Variants in NCAM1 observed in about 807,000 individuals in gnomAD.
NCAM1 encodes antigen recognized by monoclonal antibody 5.1H11.
A neutral mutation model predicts 109.8 loss-of-function variants in NCAM1; 14 were observed. The ratio of observed to expected loss-of-function variants is 0.13; its 90% CI spans 0.08 to 0.20. NCAM1 has a LOEUF of 0.20. NCAM1 is among the 10% of genes least tolerant of loss of function. The pLI is 1.00. For missense variants in NCAM1, 774 were observed against 1,109.9 expected, an observed-to-expected ratio of 0.70 and a Z score of 4.30; for synonymous variants, 418 against 442.9, an observed-to-expected ratio of 0.94 and a Z score of 0.70.
In NCAM1 at chr11:113,240,616, T is replaced by C. The variant is rs1366603505; in HGVS notation, c.1825+5452T>C. ...GGTTTGACGTTAGAGAGAGCCCTGCTCCTCGCTAGTGCCCTGGCCAGCTGT... is the reference window on the plus strand; with the variant it reads ...GGTTTGACGTTAGAGAGAGCCCTGCCCCTCGCTAGTGCCCTGGCCAGCTGT... On this transcript the variant is annotated intron_variant, in intron 14 of 19. Coordinates refer to ENST00000316851, the MANE Select transcript of NCAM1 (RefSeq NM_181351.5). The C allele has an allele frequency of 9.0e-6, 6 of 663,442 alleles. No homozygotes were observed. The African/African-American group carries it at 1.1e-4, about 12-fold the overall frequency. The allele number at this position is 663,442 out of a possible 1,614,324, so 41.1% of individuals were successfully genotyped here.
intron 1 of NCAM1, among the ~76,000 whole-genome samples, chr11:113,115,303 T>C (rs1305296834): frequency 6.6e-6 from 1 of 152,178 alleles, no homozygotes. Flanking sequence ...ATAATATTAC[T>C]AATGGAAAGA....
rs370947557 is a variant in NCAM1, at chr11:113,214,493, C to T, written c.1041C>T (p.Asn347=). The T allele has an allele frequency of 5.6e-6, 9 of 1,609,726 alleles. No individual in the cohort carries two copies. The African/African-American group carries it at 1.1e-4, about 19-fold the overall frequency. The change falls in exon 8 of 20, where the codon AAC becomes AAT. Residue 347 remains asparagine, a synonymous_variant. Transcript: ENST00000316851. ...PSITWRTSTR[N]ISSEEKASWT... is the part of the protein sequence containing the mutation. ...TCACCTGGAGGACTTCTACCCGGAA[C>T]ATCAGCAGCGAAGAAAAGGTATCAT...
At chr11:113,155,379 G>A (rs1480112209) in intron 1 of NCAM1, among the ~76,000 whole-genome samples, 1 of 151,706 alleles carries the variant, frequency 6.6e-6, no homozygotes, top group Non-Finnish European at 1.5e-5. Flanking sequence ...TGTGGTGGTG[G>A]GTACCTGTAA....
chr11:113,081,455 C>T (rs1938813246), intron 1 of NCAM1, among the ~76,000 whole-genome samples: 1 of 152,210 alleles, frequency 6.6e-6, no homozygotes, highest in Admixed American at 6.5e-5. Context: ...AGGCACTCGC[C>T]AAAGGATGCT....
chr11:113,112,305 GAGTCTA>G lies in NCAM1; in HGVS notation c.53-90072_53-90067del, dbSNP rs200740933. 7.5e-3 allele frequency among the ~76,000 whole-genome samples: 1,149 copies of G among 152,236 alleles called. 5 individuals carry two copies. The highest frequency in any genetic ancestry group is 0.012 in the Admixed American group (179 of 15,280). On this transcript the variant is annotated intron_variant, in intron 1 of 19. Coordinates refer to ENST00000316851, the MANE Select transcript of NCAM1 (RefSeq NM_181351.5). ...TTACCATTCGAAACTTACTCTTTGG[GAGTCTA>G]ATGAATGTTATTTCCTTTAAAAGGC...
chr11:113,237,911 TATAGATATATAG>T (rs1237393803), intron 14 of NCAM1, among the ~76,000 whole-genome samples: 6,549 of 62,366 alleles, frequency 0.11, 293 homozygotes, highest in Middle Eastern at 0.18. Flanking sequence ...TATAGATATA[TATAGATATATAG>T]ATATAGATAT....
Position 113,086,809 on chromosome 11 carries a change from TA to T in NCAM1, c.53-115561del, listed in dbSNP as rs1229081276. Among the ~76,000 whole-genome samples the T allele has an allele frequency of 7.3e-5, 11 of 151,184 alleles. No homozygotes were observed. The East Asian group carries it at 9.7e-4, about 13-fold the overall frequency. ...CTGGCAGAGTCTTTATTTGGCAACTTAAAAAAAAATAATACTTGCAGTGTTA... is the reference window on the plus strand; with the variant it reads ...CTGGCAGAGTCTTTATTTGGCAACTTAAAAAAAATAATACTTGCAGTGTTA... On this transcript the variant is annotated intron_variant, in intron 1 of 19. Coordinates refer to ENST00000316851, the MANE Select transcript of NCAM1 (RefSeq NM_181351.5).
At chr11:113,244,937 C>A (rs57908147) in intron 14 of NCAM1, among the ~76,000 whole-genome samples, 5,366 of 152,264 alleles carry the variant, frequency 0.035, 128 homozygotes, top group South Asian at 0.073. Context: ...GTGTCTTCAT[C>A]TCCCTTCTTT....
intron 1 of NCAM1, among the ~76,000 whole-genome samples, chr11:113,132,581 G>C (rs1223158998): frequency 3.4e-5 from 5 of 148,594 alleles, no homozygotes; most frequent in African/African-American, 5.0e-5. Flanking sequence ...GATGAGTTTG[G>C]GATCAGGCAT....
At chr11:113,135,825 T>A (rs1363154099) in intron 1 of NCAM1, among the ~76,000 whole-genome samples, 1 of 152,098 alleles carries the variant, frequency 6.6e-6, no homozygotes, top group Non-Finnish European at 1.5e-5. Flanking sequence ...AATGGGGAGA[T>A]TGGATAACAG....
intron 1 of NCAM1, among the ~76,000 whole-genome samples, chr11:113,169,424 C>A (rs1942917178): frequency 6.6e-6 from 1 of 152,158 alleles, no homozygotes; most frequent in African/African-American, 2.4e-5. Flanking sequence ...TCTCCTGACC[C>A]TGTGGCAGCT....
intron 1 of NCAM1, among the ~76,000 whole-genome samples, chr11:113,101,003 A>C (rs1404687682): frequency 6.6e-6 from 1 of 152,214 alleles, no homozygotes; most frequent in Non-Finnish European, 1.5e-5. Context: ...TGTCAAAAGA[A>C]GGACTTCCTC....
At position 113,270,169 on chromosome 11, in the gene NCAM1, C is replaced by G. The variant is rs1054319096; in HGVS notation, c.2132-19C>G. 1 of 1,613,066 alleles carries G rather than the reference C, an allele frequency of 6.2e-7. No homozygotes were observed. The highest frequency in any genetic ancestry group is 8.5e-7 in the Non-Finnish European group (1 of 1,179,308). The stretch of plus-strand genomic sequence containing the variant: ...GCATCTCAGTCTGTTAACCACCAGC[C>G]ATCTCTCTCCCACTCAAGCCAACGG... On this transcript the variant is annotated intron_variant, in intron 17 of 19. Transcript: ENST00000316851.
intron 1 of NCAM1, 145 bp downstream of exon 1, chr11:112,961,809 G>A: frequency 1.6e-6 from 1 of 644,016 alleles, no homozygotes; most frequent in Non-Finnish European, 2.7e-6. Flanking sequence ...GGAGCGCGTC[G>A]CCCTTGCTGC....
intron 1 of NCAM1, among the ~76,000 whole-genome samples, chr11:113,047,865 T>A (rs1953326371): frequency 6.6e-6 from 1 of 152,062 alleles, no homozygotes; most frequent in Non-Finnish European, 1.5e-5. Flanking sequence ...CCTGCCCCCA[T>A]GATTAAATTA....
At chr11:112,964,106 A>T (rs989362359) in intron 1 of NCAM1, among the ~76,000 whole-genome samples, 1 of 150,520 alleles carries the variant, frequency 6.6e-6, no homozygotes, top group East Asian at 1.9e-4. Context: ...ACAAGTATAT[A>T]TACATATGTA....
At chr11:113,048,908 G>A (rs1304773733) in intron 1 of NCAM1, among the ~76,000 whole-genome samples, 2 of 152,196 alleles carry the variant, frequency 1.3e-5, no homozygotes, top group African/African-American at 4.8e-5. Context: ...CAATCCTTCA[G>A]TATTCCTTGA....
chr11:113,213,095 T>C (rs1298036365), intron 7 of NCAM1, among the ~76,000 whole-genome samples: 1 of 152,258 alleles, frequency 6.6e-6, no homozygotes, highest in Non-Finnish European at 1.5e-5. Flanking sequence ...TTTCTGTTTA[T>C]TAAAACAGCA....
chr11:113,161,733 G>T (rs371500640), intron 1 of NCAM1, among the ~76,000 whole-genome samples: 1 of 151,450 alleles, frequency 6.6e-6, no homozygotes, highest in East Asian at 1.9e-4. Context: ...TTGGCTTCCC[G>T]CCCACCCCCT....
Sources: gnomAD v4.1 joint callset for allele counts (sites outside exome capture counted in the v4.1 genomes callset) on GRCh38, gnomAD v4.1.1 for gene constraint, MANE v1.5 for transcripts, NCBI Gene and HGNC (gene_info 2026-07-23, HGNC 2026-07-21) for gene names.